KCNN1: variants seen among roughly 807,000 people sequenced by gnomAD.
KCNN1 encodes the protein small conductance calcium-activated potassium channel protein 1.
A neutral mutation model predicts 44.7 loss-of-function variants in KCNN1; 20 were observed. That is an observed-to-expected ratio of 0.45 (90% CI 0.32 to 0.65). KCNN1 has a LOEUF of 0.65. Among genes scored for constraint, KCNN1 ranks in the 30% least tolerant of loss-of-function variants. The pLI, the probability that KCNN1 is intolerant of heterozygous loss-of-function variation, is 0.05. For missense variants in KCNN1, 632 were observed against 785.3 expected (o/e 0.80, Z 2.33); for synonymous variants, 324 against 341.7 (o/e 0.95, Z 0.57).
chr19:17,963,160 A>G (rs1190712618), upstream of KCNN1, among the ~76,000 whole-genome samples: 2 of 151,046 alleles, frequency 1.3e-5, no homozygotes, highest in Non-Finnish European at 2.9e-5. Context: ...GGCGCCCGCC[A>G]CCACGCCACA....
intron 4 of KCNN1, among the ~76,000 whole-genome samples, chr19:17,982,734 C>T (rs187739973): frequency 4.1e-4 from 62 of 152,260 alleles, no homozygotes; most frequent in Middle Eastern, 3.4e-3. Flanking sequence ...CACCCCGTCA[C>T]GGGGGCAGGC....
At chr19:17,955,576 A>AAAAG (rs1305488793) in intron 2 of KCNN1, among the ~76,000 whole-genome samples, 5 of 149,162 alleles carry the variant, frequency 3.4e-5, no homozygotes, top group Non-Finnish European at 7.4e-5. Context: ...AAAAAAAAAA[A>AAAAG]AAAGAAAGAA....
chr19:17,957,830 G>A (rs2031582201), intron 2 of KCNN1, among the ~76,000 whole-genome samples: 1 of 152,176 alleles, frequency 6.6e-6, no homozygotes, highest in South Asian at 2.1e-4. Flanking sequence ...CTGCTGTGGA[G>A]AGCAGGGCAG....
chr19:17,980,359 G>A (rs1043333721), intron 3 of KCNN1, among the ~76,000 whole-genome samples: 2 of 148,876 alleles, frequency 1.3e-5, no homozygotes, highest in African/African-American at 2.5e-5. Context: ...TGGGATTACA[G>A]GCAGGAGCCA....
Position 17,978,433 on chromosome 19 carries a change from T to G in KCNN1, c.498+3246T>G, listed in dbSNP as rs536883892. ...AGCCACTGCCCAGCCTGTTTTTTTTTTTTTTTTTTTTAAACACAGGATCTC... is the reference window on the plus strand; with the variant it reads ...AGCCACTGCCCAGCCTGTTTTTTTTGTTTTTTTTTTTAAACACAGGATCTC... On this transcript the variant is annotated intron_variant, in intron 3 of 9. Transcript: ENST00000684775. 1.5e-4 allele frequency among the ~76,000 whole-genome samples: 22 copies of G among 150,116 alleles called. 1 individual carries two copies. The highest frequency in any genetic ancestry group is 5.1e-4 in the African/African-American group (21 of 40,856).
rs769476210 is a variant in KCNN1 at position 17,985,414 on chromosome 19, C to G, written c.1020C>G (p.Thr340=). 1.9e-6 allele frequency: 3 copies of G among 1,609,776 alleles called. No homozygotes were observed. The highest frequency in any genetic ancestry group is 1.1e-5 in the South Asian group (1 of 90,762). ...GCTACGGCGACATGGTGCCCCACAC[C>G]TACTGCGGGAAGGGTGTGTGCCTGC... The part of the protein sequence containing the change: ...SIGYGDMVPH[T]YCGKGVCLLT... The change falls in exon 5 of 10, where the codon ACC becomes ACG. Residue 340 remains threonine (T), a synonymous_variant. Coordinates refer to ENST00000684775, the MANE Select transcript of KCNN1 (RefSeq NM_001386974.1).
intron 4 of KCNN1, among the ~76,000 whole-genome samples, chr19:17,984,259 C>T (rs759823333): frequency 5.9e-5 from 9 of 152,074 alleles, no homozygotes; most frequent in South Asian, 2.1e-4. Context: ...TCGACTTCCG[C>T]GGGAGTGAAG....
At chr19:17,969,062 C>T (rs1390204596) in intron 1 of KCNN1, among the ~76,000 whole-genome samples, 1 of 152,082 alleles carries the variant, frequency 6.6e-6, no homozygotes, top group Non-Finnish European at 1.5e-5. Context: ...CAAACCTTGG[C>T]TGAGGGTTCC....
chr19:17,985,055 G>GA (rs1342184699), intron 4 of KCNN1, among the ~76,000 whole-genome samples: 3 of 152,056 alleles, frequency 2.0e-5, no homozygotes, highest in Admixed American at 6.6e-5. Flanking sequence ...TTGGGAGGGG[G>GA]ATTGTATGTT....
At chr19:17,988,246 C>T (rs943031970) in intron 5 of KCNN1, among the ~76,000 whole-genome samples, 169 bp from the exon 6 acceptor site, 12 of 151,432 alleles carry the variant, frequency 7.9e-5, no homozygotes, top group Non-Finnish European at 1.3e-4. Context: ...TTCCCTCTGA[C>T]ATTTGATGAA....
chr19:17,958,925 A>T (rs1320743645), intron 2 of KCNN1, among the ~76,000 whole-genome samples: 1 of 148,856 alleles, frequency 6.7e-6, no homozygotes, highest in Non-Finnish European at 1.5e-5. Context: ...TGGTCTCGAT[A>T]TCCTGACTTC....
Position 17,967,167 on chromosome 19 carries a change from GCCC to G in KCNN1, c.-229_-227del. On this transcript the variant is annotated 5_prime_UTR_variant, in exon 1 of 10. Coordinates refer to ENST00000684775, the MANE Select transcript of KCNN1 (RefSeq NM_001386974.1). ...GGCGGGGGATGCGCCTGCCGCCGCCGCCCCCGGCCCCGCCGCCCCCGGGCCCCG... is the reference window on the plus strand; with the variant it reads ...GGCGGGGGATGCGCCTGCCGCCGCCGCCGGCCCCGCCGCCCCCGGGCCCCG... 2.1e-6 allele frequency: 2 copies of G among 945,528 alleles called. No individual in the cohort carries two copies. Among genetic ancestry groups the G allele is most frequent in the Non-Finnish European group, 2.5e-6 (2 of 796,068 alleles). 58.6% of individuals were successfully genotyped at this position (945,528 alleles called of 1,614,324 possible). A position where few individuals can be genotyped will look rare whatever the true frequency, so the allele number is the denominator to read the frequency against.
intron 1 of KCNN1, among the ~76,000 whole-genome samples, chr19:17,951,579 C>T (rs1239749811): frequency 6.6e-6 from 1 of 152,194 alleles, no homozygotes; most frequent in African/African-American, 2.4e-5. Context: ...ACAACTCTGC[C>T]ACCCAAGCCC....
At position 17,981,980 on chromosome 19, in the gene KCNN1, G is replaced by A. The variant is rs1415273327; in HGVS notation, c.770G>A (p.Ser257Asn). The change falls in exon 4 of 10, where the codon AGC (serine) becomes AAC (asparagine). Residue 257 changes from serine to asparagine, a missense_variant. By Grantham distance (46) the Ser-to-Asn change is conservative. Around this residue, in one of 3 missense-constraint regions of KCNN1, gnomAD observed 160 missense variants for 308.3 expected, o/e 0.52. Transcript: ENST00000684775. ...LHSKIFTDAS[S>N]RSIGALNKIT... The stretch of plus-strand genomic sequence containing the variant: ...AGCAAAATCTTCACGGACGCCTCGA[G>A]CCGCAGCATCGGGGCCCTCAACAAG... 9 of 1,610,682 alleles carry A rather than the reference G, an allele frequency of 5.6e-6. No individual in the cohort carries two copies. The highest frequency in any genetic ancestry group is 6.8e-6 in the Non-Finnish European group (8 of 1,178,710).
At chr19:17,990,935 G>A (rs771583881) in intron 7 of KCNN1, among the ~76,000 whole-genome samples, 1 of 152,124 alleles carries the variant, frequency 6.6e-6, no homozygotes, top group Non-Finnish European at 1.5e-5. Context: ...TCACCAGGGG[G>A]CTTTTTAAAA....
Position 17,998,621 on chromosome 19 carries a change from T to C in KCNN1, c.*215T>C. ...CCCGGAGCTTCCTCTGGTCACCTGG[T>C]CCCCCGACTCTCCCCAGGCCCCCGG... On this transcript the variant is annotated 3_prime_UTR_variant, in exon 10 of 10. Transcript: ENST00000684775. This position sits in a 1 kb window ranked among gnomAD's most constrained non-coding sequence, Gnocchi z 5.4. 2.1e-6 allele frequency: 1 copy of C among 481,576 alleles called. No homozygotes were observed. Among genetic ancestry groups the C allele is most frequent in the South Asian group, 4.6e-5 (1 of 21,938 alleles). The allele number at this position is 481,576 out of a possible 1,614,324, so 29.8% of individuals were successfully genotyped here.
At chr19:17,965,059 G>C (rs1435095444), upstream of KCNN1, among the ~76,000 whole-genome samples, 1 of 151,976 alleles carries the variant, frequency 6.6e-6, no homozygotes, top group Non-Finnish European at 1.5e-5. Flanking sequence ...GAGGTTAGGA[G>C]TTCGAGACCA....
rs969856256 is a variant in KCNN1 at position 17,999,640 on chromosome 19, A to T, written c.*1234A>T. On this transcript the variant is annotated 3_prime_UTR_variant, in exon 10 of 10. Transcript: ENST00000684775. Reference sequence around the variant, plus strand: ...GGGGAGGGTTCCAGACACAAGTAGAATCAGAAAGGTCCCTGGAGGCCATGG... The same window carrying T: ...GGGGAGGGTTCCAGACACAAGTAGATTCAGAAAGGTCCCTGGAGGCCATGG... 1.4e-5 allele frequency: 3 copies of T among 217,124 alleles called. No individual in the cohort carries two copies. In the South Asian group the frequency reaches 1.8e-4, roughly 13 times the overall value. The allele number at this position is 217,124 out of a possible 1,614,324, so 13.4% of individuals were successfully genotyped here.
intron 9 of KCNN1, among the ~76,000 whole-genome samples, chr19:17,997,611 C>A (rs545988335): frequency 1.3e-5 from 2 of 152,248 alleles, no homozygotes; most frequent in South Asian, 2.1e-4. Context: ...CCCCGAGTAG[C>A]GGGGATTACA....
Sources: allele counts gnomAD v4.1 joint callset (sites outside exome capture counted in the v4.1 genomes callset), GRCh38; gene constraint gnomAD v4.1.1; regional missense constraint gnomAD v4.1.1; non-coding constraint Gnocchi (gnomAD v3.1); transcripts MANE v1.5; gene names NCBI Gene and HGNC (gene_info 2026-07-23, HGNC 2026-07-21).